TP53AIP1: variants seen among roughly 807,000 people sequenced by gnomAD.
TP53AIP1 encodes tumor protein p53 regulated apoptosis inducing protein 1.
In TP53AIP1, 14 loss-of-function variants were observed where a neutral mutation model predicts 9.5. That is an observed-to-expected ratio of 1.47 (90% CI 0.97 to 2.30). The LOEUF is 2.30. TP53AIP1 is among the 30% of genes most tolerant of loss of function. The pLI is 0.00. For missense variants in TP53AIP1, 153 were observed against 146.7 expected, an observed-to-expected ratio of 1.04 and a Z score of -0.22; for synonymous variants, 73 against 61.2, an observed-to-expected ratio of 1.19 and a Z score of -0.90.
rs1944902308 is a variant in TP53AIP1 at position 128,939,616 on chromosome 11, A to C, written c.-76-1722T>G. 6.6e-6 allele frequency among the ~76,000 whole-genome samples: 1 copy of C among 152,200 alleles called. No homozygotes were observed. The highest frequency in any genetic ancestry group is 1.5e-5 in the Non-Finnish European group (1 of 68,042). ...GATGATGCACTGCCTTACTGTCCAG[A>C]CAGAACAAAAGGGATCCCCTTTCCA... On this transcript the variant is annotated intron_variant, in intron 1 of 3. Transcript: ENST00000531399. This position sits in a 1 kb window ranked among gnomAD's most constrained non-coding sequence, Gnocchi z 4.1.
At chr11:128,934,944 A>G (rs1298314062), downstream of TP53AIP1, 21 of 701,042 alleles carry the variant, frequency 3.0e-5, no homozygotes, top group Admixed American at 3.2e-4. Context: ...TTACACACCA[A>G]TGCTTTTCCC....
rs1422125971 is a variant in TP53AIP1 at position 128,935,981 on chromosome 11, C to T, written c.254-269G>A. 1.9e-5 allele frequency: 20 copies of T among 1,044,804 alleles called. No homozygotes were observed. In the South Asian group the frequency reaches 5.3e-4, roughly 28 times the overall value. 64.7% of individuals were successfully genotyped at this position (1,044,804 alleles called of 1,614,324 possible). On this transcript the variant is annotated intron_variant, in intron 3 of 3. Transcript: ENST00000531399. ...ATAACAGTAAGATATGTAGGACATA[C>T]TACGTACAGGTGCTGTTCTTAGCAT... is the stretch of plus-strand genomic sequence containing the variant.
downstream of TP53AIP1, chr11:128,935,036 C>G (rs1361063936): frequency 1.4e-6 from 1 of 703,362 alleles, no homozygotes; most frequent in Admixed American, 2.0e-5. Flanking sequence ...CAGGCAAGCT[C>G]TTACTGCACT....
chr11:128,937,830 C>G lies in TP53AIP1; in HGVS notation c.-12G>C. 6.3e-7 allele frequency: 1 copy of G among 1,597,412 alleles called. No homozygotes were observed. Among genetic ancestry groups the G allele is most frequent in the Non-Finnish European group, 8.5e-7 (1 of 1,171,972 alleles). On this transcript the variant is annotated 5_prime_UTR_variant, in exon 2 of 4. Transcript: ENST00000531399. The surrounding 1 kb of genome is among the most constrained non-coding windows in gnomAD (Gnocchi z 4.8). ...GAGGAAGATCCCATCCAGGGGAGGC[C>G]CTGTCTGCAGAAAGCAGAGAACTTG...
In TP53AIP1 at chr11:128,935,451, G is replaced by A. The variant is rs1591462411; in HGVS notation, c.*140C>T. 9.1e-6 allele frequency: 13 copies of A among 1,431,424 alleles called. No homozygotes were observed. Among genetic ancestry groups the A allele is most frequent in the South Asian group, 3.1e-5 (2 of 63,932 alleles). The allele number at this position is 1,431,424 out of a possible 1,614,324, so 88.7% of individuals were successfully genotyped here. ...ACCTAGCCACCCAACTGGCCCAGTG[G>A]TCAAGGGGGGAAATGAGGTGGCCGC... On this transcript the variant is annotated 3_prime_UTR_variant, in exon 4 of 4. Transcript: ENST00000531399.
At chr11:128,935,246 G>A (rs529810182), downstream of TP53AIP1, 26 of 1,419,848 alleles carry the variant, frequency 1.8e-5, no homozygotes, top group African/African-American at 2.9e-5. Flanking sequence ...GAGTGCCCTC[G>A]GGCGTGCCAT....
intron 1 of TP53AIP1, among the ~76,000 whole-genome samples, chr11:128,940,402 A>G (rs1201665538): frequency 1.3e-5 from 2 of 152,192 alleles, no homozygotes; most frequent in African/African-American, 2.4e-5. Context: ...GGTGTTGCCA[A>G]TGTGCTAGCA....
chr11:128,935,750 G>C (rs372288837), intron 3 of TP53AIP1, 38 bp from the exon 4 acceptor site: 2 of 1,505,226 alleles, frequency 1.3e-6, no homozygotes, highest in African/African-American at 2.8e-5. Flanking sequence ...TTTGCAAAAC[G>C]TATGGAGTCC....
In TP53AIP1 at chr11:128,939,951, A is replaced by G. The variant is rs1343820604; in HGVS notation, c.-76-2057T>C. Among the ~76,000 whole-genome samples the G allele has an allele frequency of 6.6e-6, 1 of 152,204 alleles. No individual in the cohort carries two copies. The highest frequency in any genetic ancestry group is 1.5e-5 in the Non-Finnish European group (1 of 68,024). On this transcript the variant is annotated intron_variant, in intron 1 of 3. Coordinates refer to ENST00000531399, the MANE Select transcript of TP53AIP1 (RefSeq NM_022112.3). This position sits in a 1 kb window ranked among gnomAD's most constrained non-coding sequence, Gnocchi z 4.1. ...GCCGGGACTCAGGTTGCACACGGCCAGTGGTCCCGGGATATCCAGGGAGCC... is the reference window on the plus strand; with the variant it reads ...GCCGGGACTCAGGTTGCACACGGCCGGTGGTCCCGGGATATCCAGGGAGCC...
chr11:128,938,737 A>G (rs891506455), intron 1 of TP53AIP1, among the ~76,000 whole-genome samples: 6 of 152,148 alleles, frequency 3.9e-5, no homozygotes, highest in African/African-American at 1.4e-4. Flanking sequence ...CAGCCTATCC[A>G]TGACCTCCAG....
Position 128,941,497 on chromosome 11 carries a change from C to T in TP53AIP1, c.-77+1297G>A, listed in dbSNP as rs140582117. 1.5e-3 allele frequency among the ~76,000 whole-genome samples: 226 copies of T among 152,342 alleles called. 1 individual carries two copies. The highest frequency in any genetic ancestry group is 2.7e-3 in the Non-Finnish European group (187 of 68,032). ...TATAATGGGTTGCCTCAGCCCCCAA[C>T]GCACCTTTCATTGCCTTCTTCTGTG... On this transcript the variant is annotated intron_variant, in intron 1 of 3. Coordinates refer to ENST00000531399, the MANE Select transcript of TP53AIP1 (RefSeq NM_022112.3).
rs1944842599 is a variant in TP53AIP1, at chr11:128,937,224, G to A, written c.141+454C>T. On this transcript the variant is annotated intron_variant, in intron 2 of 3. Transcript: ENST00000531399. This position sits in a 1 kb window ranked among gnomAD's most constrained non-coding sequence, Gnocchi z 4.8. ...CGACTTCTTGGAGTAAGTGACTGGT[G>A]CTCCGAGGCCCATCTGGACAAAAGC... The A allele has an allele frequency of 1.6e-6, 2 of 1,225,382 alleles. No individual in the cohort carries two copies. Among genetic ancestry groups the A allele is most frequent in the Non-Finnish European group, 2.0e-6 (2 of 980,880 alleles). 75.9% of individuals were successfully genotyped at this position (1,225,382 alleles called of 1,614,324 possible).
At position 128,937,607 on chromosome 11, in the gene TP53AIP1, C is replaced by T. The variant is rs139851048; in HGVS notation, c.141+71G>A. The stretch of plus-strand genomic sequence containing the variant: ...CTGAAAACTTGGGATGTCGGCACCA[C>T]GGTGAGAGCAGAGTCTGCCCGGGGC... On this transcript the variant is annotated intron_variant, in intron 2 of 3. Transcript: ENST00000531399. The surrounding 1 kb of genome is among the most constrained non-coding windows in gnomAD (Gnocchi z 4.8). The T allele has an allele frequency of 2.9e-5, 47 of 1,614,024 alleles. No homozygotes were observed. Among genetic ancestry groups the T allele is most frequent in the Middle Eastern group, 1.6e-4 (1 of 6,084 alleles).
chr11:128,937,111 G>A lies in TP53AIP1; in HGVS notation c.142-462C>T. 9.4e-7 allele frequency: 1 copy of A among 1,058,206 alleles called. No homozygotes were observed. Among genetic ancestry groups the A allele is most frequent in the Non-Finnish European group, 1.1e-6 (1 of 876,246 alleles). The allele number at this position is 1,058,206 out of a possible 1,614,324, so 65.6% of individuals were successfully genotyped here. A position where few individuals can be genotyped will look rare whatever the true frequency, so the allele number is the denominator to read the frequency against. ...CCGGAGCCATGCGCTGCCTGTGCTG[G>A]GATGAATGCATGGCCCCTGCATCCT... On this transcript the variant is annotated intron_variant, in intron 2 of 3. Coordinates refer to ENST00000531399, the MANE Select transcript of TP53AIP1 (RefSeq NM_022112.3). This position sits in a 1 kb window ranked among gnomAD's most constrained non-coding sequence, Gnocchi z 4.8.
Position 128,937,078 on chromosome 11 carries a change from G to T in TP53AIP1, c.142-429C>A. 9.6e-7 allele frequency: 1 copy of T among 1,041,426 alleles called. No homozygotes were observed. Among genetic ancestry groups the T allele is most frequent in the Non-Finnish European group, 1.2e-6 (1 of 865,788 alleles). 64.5% of individuals were successfully genotyped at this position (1,041,426 alleles called of 1,614,324 possible). On this transcript the variant is annotated intron_variant, in intron 2 of 3. Transcript: ENST00000531399. This position sits in a 1 kb window ranked among gnomAD's most constrained non-coding sequence, Gnocchi z 4.8. ...GACTCCTGGCCCAGGCCTGGCCTGT[G>T]TCTGCTTCCGGAGCCATGCGCTGCC...
chr11:128,940,338 A>G (rs541198650), intron 1 of TP53AIP1, among the ~76,000 whole-genome samples: 111 of 152,372 alleles, frequency 7.3e-4, no homozygotes, highest in African/African-American at 2.5e-3. Flanking sequence ...TGTCTCAGGC[A>G]GAAGCAGCCT....
Position 128,935,422 on chromosome 11 carries a change from G to A in TP53AIP1, c.*169C>T. On this transcript the variant is annotated 3_prime_UTR_variant, in exon 4 of 4. Transcript: ENST00000531399. ...GGGGATACAGAAGGATGCAAAATGA[G>A]GCAACCTAGCCACCCAACTGGCCCA... 8 of 1,416,596 alleles carry A rather than the reference G, an allele frequency of 5.6e-6. No individual in the cohort carries two copies. The highest frequency in any genetic ancestry group is 7.3e-6 in the Non-Finnish European group (8 of 1,092,076). 87.8% of individuals were successfully genotyped at this position (1,416,596 alleles called of 1,614,324 possible).
At chr11:128,941,516 T>C (rs1944941863) in intron 1 of TP53AIP1, among the ~76,000 whole-genome samples, 1 of 152,250 alleles carries the variant, frequency 6.6e-6, no homozygotes, top group Non-Finnish European at 1.5e-5. Context: ...CATTGCCTTC[T>C]TCTGTGATAA....
chr11:128,937,592 G>C lies in TP53AIP1; in HGVS notation c.141+86C>G, dbSNP rs1402949868. ...TGGGTCCTGGTGAGTCTGAAAACTTGGGATGTCGGCACCACGGTGAGAGCA... is the reference window on the plus strand; with the variant it reads ...TGGGTCCTGGTGAGTCTGAAAACTTCGGATGTCGGCACCACGGTGAGAGCA... On this transcript the variant is annotated intron_variant, in intron 2 of 3. Coordinates refer to ENST00000531399, the MANE Select transcript of TP53AIP1 (RefSeq NM_022112.3). The surrounding 1 kb of genome is among the most constrained non-coding windows in gnomAD (Gnocchi z 4.8). The C allele has an allele frequency of 1.9e-6, 3 of 1,614,034 alleles. No individual in the cohort carries two copies. Among genetic ancestry groups the C allele is most frequent in the South Asian group, 2.2e-5 (2 of 91,076 alleles).
Sources: allele counts gnomAD v4.1 joint callset (sites outside exome capture counted in the v4.1 genomes callset), GRCh38; gene constraint gnomAD v4.1.1; non-coding constraint Gnocchi (gnomAD v3.1); transcripts MANE v1.5; gene names NCBI Gene and HGNC (gene_info 2026-07-23, HGNC 2026-07-21).